Variants in AFG1L observed in about 807,000 individuals in gnomAD.
AFG1L encodes AFG1 like ATPase.
AFG1L carries 53 observed loss-of-function variants against 62.2 expected under a neutral mutation model. The ratio of observed to expected loss-of-function variants is 0.85; its 90% CI spans 0.68 to 1.07. AFG1L has a LOEUF of 1.07. AFG1L is among the 50% of genes least tolerant of loss of function. The pLI is 0.00. For synonymous variants in AFG1L, 228 were observed against 210.3 expected (o/e 1.08, Z -0.73); for missense variants, 555 against 590.5 (o/e 0.94, Z 0.62).
At chr6:108,480,824 A>G (rs948682851) in intron 10 of AFG1L, among the ~76,000 whole-genome samples, 2 of 152,188 alleles carry the variant, frequency 1.3e-5, no homozygotes, top group African/African-American at 2.4e-5. Context: ...AACAACAAAA[A>G]TAAATAAAGT....
At chr6:108,496,095 T>C (rs1342917597) in intron 10 of AFG1L, among the ~76,000 whole-genome samples, 1 of 152,254 alleles carries the variant, frequency 6.6e-6, no homozygotes, top group African/African-American at 2.4e-5. Context: ...GAATTCACAA[T>C]ACTAATTATG....
At chr6:108,442,910 A>C (rs976177632) in intron 7 of AFG1L, among the ~76,000 whole-genome samples, 2 of 152,080 alleles carry the variant, frequency 1.3e-5, no homozygotes, top group East Asian at 3.9e-4. Context: ...GCAGCATGGG[A>C]GGAGGGGAAA....
intron 1 of AFG1L, among the ~76,000 whole-genome samples, chr6:108,303,807 T>C (rs1363079612): frequency 1.3e-5 from 2 of 152,190 alleles, no homozygotes; most frequent in Non-Finnish European, 2.9e-5. Context: ...AAATTTAAAC[T>C]AACATAACAA....
At chr6:108,403,591 A>G (rs954705227) in intron 7 of AFG1L, among the ~76,000 whole-genome samples, 6 of 152,150 alleles carry the variant, frequency 3.9e-5, no homozygotes, top group African/African-American at 9.7e-5. Flanking sequence ...GGGAGGACAT[A>G]GACTTGCAAC....
intron 7 of AFG1L, among the ~76,000 whole-genome samples, chr6:108,438,285 C>T (rs908816017): frequency 6.6e-6 from 1 of 152,140 alleles, no homozygotes; most frequent in Non-Finnish European, 1.5e-5. Context: ...AGGACAAAGA[C>T]GTTGGCAGGT....
At chr6:108,392,721 T>A (rs1244975284) in intron 6 of AFG1L, among the ~76,000 whole-genome samples, 1 of 152,134 alleles carries the variant, frequency 6.6e-6, no homozygotes, top group Non-Finnish European at 1.5e-5. Flanking sequence ...TTTCTTTTAG[T>A]CTGTAATACA....
chr6:108,401,876 T>G (rs1582524813), intron 6 of AFG1L, 120 bp from the exon 7 acceptor site: 9 of 540,980 alleles, frequency 1.7e-5, no homozygotes, highest in Middle Eastern at 9.4e-4. Context: ...TGGTCTTTTT[T>G]TCTTTTTGCT....
intron 10 of AFG1L, among the ~76,000 whole-genome samples, chr6:108,501,235 C>T (rs972455677): frequency 6.6e-6 from 1 of 152,164 alleles, no homozygotes; most frequent in Admixed American, 6.5e-5. Context: ...CCCCATGATC[C>T]GCCTGCCTTG....
intron 10 of AFG1L, among the ~76,000 whole-genome samples, chr6:108,489,082 A>G (rs140156361): frequency 1.2e-4 from 18 of 152,322 alleles, no homozygotes; most frequent in African/African-American, 4.1e-4. Flanking sequence ...GGAAGAAAGG[A>G]TTGATACTGG....
At chr6:108,451,944 A>G (rs889611760) in intron 8 of AFG1L, among the ~76,000 whole-genome samples, 4 of 151,928 alleles carry the variant, frequency 2.6e-5, no homozygotes, top group Non-Finnish European at 5.9e-5. Context: ...TGAACTCCTG[A>G]CCTTAGGTGA....
chr6:108,429,285 T>G (rs1006091405), intron 7 of AFG1L, among the ~76,000 whole-genome samples: 4 of 152,166 alleles, frequency 2.6e-5, no homozygotes, highest in Non-Finnish European at 2.9e-5. Context: ...CACTTCCACA[T>G]GACTGGGGAG....
intron 10 of AFG1L, among the ~76,000 whole-genome samples, chr6:108,505,143 G>T (rs967401522): frequency 6.8e-6 from 1 of 147,132 alleles, no homozygotes; most frequent in African/African-American, 2.5e-5. Context: ...CACCCAGGCT[G>T]GAGTACAATG....
chr6:108,332,832 C>T (rs1343591448), intron 2 of AFG1L, among the ~76,000 whole-genome samples: 15 of 152,102 alleles, frequency 9.9e-5, no homozygotes, highest in Admixed American at 9.8e-4. Context: ...GTCTTAAACT[C>T]CTGGCCTCAA....
intron 7 of AFG1L, among the ~76,000 whole-genome samples, chr6:108,411,552 C>T (rs553041025): frequency 5.9e-5 from 9 of 152,284 alleles, no homozygotes; most frequent in African/African-American, 1.4e-4. Flanking sequence ...CCCTCTGAGA[C>T]GAAGCTTCCA....
At chr6:108,324,095 A>G (rs1215085901) in intron 2 of AFG1L, 47 bp downstream of exon 2, 2 of 1,372,628 alleles carry the variant, frequency 1.5e-6, no homozygotes, top group Admixed American at 2.0e-5. Flanking sequence ...AAGTGTAAGC[A>G]TTTTCTAAAA....
rs148558527 is a variant in AFG1L, at chr6:108,432,588, G to A, written c.808-14626G>A. Among the ~76,000 whole-genome samples, 1,402 of 152,204 alleles carry A rather than the reference G, an allele frequency of 9.2e-3. 6 individuals carry two copies. The highest frequency in any genetic ancestry group is 0.015 in the Non-Finnish European group (1,045 of 68,004). ...AACACCAGCCCTCGATGATCCTATG[G>A]CTTTAGTTGCCACCCATGGTGGACA... On this transcript the variant is annotated intron_variant, in intron 7 of 12. Transcript: ENST00000368977.
rs190335038 is a variant in AFG1L at position 108,391,078 on chromosome 6, T to A, written c.749-10918T>A. ...ATTGCGAATTGTGCTGCTATAAACATGCATGTGCAGGTATCTTTTTTGTAT... is the reference window on the plus strand; with the variant it reads ...ATTGCGAATTGTGCTGCTATAAACAAGCATGTGCAGGTATCTTTTTTGTAT... On this transcript the variant is annotated intron_variant, in intron 6 of 12. Transcript: ENST00000368977. Among the ~76,000 whole-genome samples, 24 of 152,360 alleles carry A rather than the reference T, an allele frequency of 1.6e-4. No individual in the cohort carries two copies. The East Asian group carries it at 4.1e-3, about 26-fold the overall frequency.
chr6:108,402,949 C>A (rs967593250), intron 7 of AFG1L, among the ~76,000 whole-genome samples: 4 of 151,958 alleles, frequency 2.6e-5, no homozygotes, highest in African/African-American at 9.7e-5. Context: ...TTAAAATAGT[C>A]TTCATTACAA....
intron 1 of AFG1L, among the ~76,000 whole-genome samples, chr6:108,311,577 G>A (rs1311277815): frequency 6.6e-6 from 1 of 151,776 alleles, no homozygotes; most frequent in Non-Finnish European, 1.5e-5. Context: ...GCCCAGGCTG[G>A]TCTTAAACTC....
Sources: allele counts gnomAD v4.1 joint callset (sites outside exome capture counted in the v4.1 genomes callset), GRCh38; gene constraint gnomAD v4.1.1; transcripts MANE v1.5; gene names NCBI Gene and HGNC (gene_info 2026-07-23, HGNC 2026-07-21).